ERC2: variants seen among roughly 807,000 people sequenced by gnomAD.
ERC2 encodes ELKS/RAB6-interacting/CAST family member 2, also known as ERC protein 2.
In ERC2, 42 loss-of-function variants were observed where a neutral mutation model predicts 114.8. The ratio of observed to expected loss-of-function variants is 0.37; its 90% CI spans 0.29 to 0.47. The LOEUF is 0.47. Among genes scored for constraint, ERC2 ranks in the 20% least tolerant of loss-of-function variants. ERC2 has a pLI of 0.99. For missense variants in ERC2, 939 were observed against 1,150.7 expected (o/e 0.82, Z 2.66); for synonymous variants, 454 against 425.5 (o/e 1.07, Z -0.82).
At chr3:56,178,537 A>G (rs2083107650) in intron 3 of ERC2, among the ~76,000 whole-genome samples, 2 of 152,208 alleles carry the variant, frequency 1.3e-5, no homozygotes, top group African/African-American at 2.4e-5. Context: ...AGTGCCAAAG[A>G]ATTTGAAGCC....
At chr3:55,822,568 C>CTTTTTTTTTT (rs202173599) in intron 14 of ERC2, among the ~76,000 whole-genome samples, 17 of 137,070 alleles carry the variant, frequency 1.2e-4, no homozygotes, top group African/African-American at 3.6e-4. Flanking sequence ...TCTTTTTTTT[C>CTTTTTTTTTT]TTTTTTTTTT....
chr3:56,161,562 T>A (rs765769307), intron 4 of ERC2, among the ~76,000 whole-genome samples: 1 of 152,216 alleles, frequency 6.6e-6, no homozygotes, highest in Non-Finnish European at 1.5e-5. Flanking sequence ...TTATGTCATC[T>A]GTGATTTCTT....
At chr3:56,068,156 T>A (rs2076566393) in intron 7 of ERC2, among the ~76,000 whole-genome samples, 1 of 152,224 alleles carries the variant, frequency 6.6e-6, no homozygotes, top group Non-Finnish European at 1.5e-5. Context: ...TGGCTGTGAA[T>A]CCATCTGCTC....
intron 17 of ERC2, among the ~76,000 whole-genome samples, chr3:55,553,650 G>C (rs1034785683): frequency 6.6e-6 from 1 of 152,144 alleles, no homozygotes; most frequent in African/African-American, 2.4e-5. Flanking sequence ...CGTAGTGGCG[G>C]GCACCGGTAG....
intron 16 of ERC2, among the ~76,000 whole-genome samples, chr3:55,694,617 G>A (rs2062836145): frequency 6.6e-6 from 1 of 152,224 alleles, no homozygotes; most frequent in South Asian, 2.1e-4. Flanking sequence ...ATTCAATGAA[G>A]GAGGAAGAGG....
intron 14 of ERC2, among the ~76,000 whole-genome samples, chr3:55,852,067 C>T (rs562117740): frequency 3.2e-4 from 48 of 152,212 alleles, no homozygotes; most frequent in African/African-American, 1.1e-3. Context: ...ACTAAAAATA[C>T]AAAATTAGCT....
In ERC2 at chr3:56,107,580, T is replaced by C. The variant is rs13098072; in HGVS notation, c.1474-26596A>G. ...TGATACTCTGCTTTCACCCTAAAAA[T>C]GTGCAGGCAACCACAAGAGCTAAAG... On this transcript the variant is annotated intron_variant, in intron 6 of 17. Transcript: ENST00000288221. 5.4e-3 allele frequency among the ~76,000 whole-genome samples: 818 copies of C among 152,248 alleles called. 1 individual carries two copies. The highest frequency in any genetic ancestry group is 7.9e-3 in the Non-Finnish European group (540 of 68,012).
chr3:56,421,791 T>A (rs1016556051), intron 2 of ERC2, among the ~76,000 whole-genome samples: 1 of 152,122 alleles, frequency 6.6e-6, no homozygotes, highest in African/African-American at 2.4e-5. Flanking sequence ...ACCCTTAATG[T>A]CTAGTAGGTA....
At chr3:55,987,542 AT>A (rs1485734382) in intron 11 of ERC2, among the ~76,000 whole-genome samples, 1 of 152,242 alleles carries the variant, frequency 6.6e-6, no homozygotes, top group Non-Finnish European at 1.5e-5. Flanking sequence ...GGCAAGAAAC[AT>A]TTATATCAAA....
At chr3:55,717,495 G>T (rs2064192367) in intron 15 of ERC2, among the ~76,000 whole-genome samples, 1 of 152,114 alleles carries the variant, frequency 6.6e-6, no homozygotes, top group African/African-American at 2.4e-5. Context: ...TGGGGTCCAG[G>T]GAAGCTTTCA....
chr3:56,440,560 A>G (rs1218817606), intron 1 of ERC2, among the ~76,000 whole-genome samples: 1 of 151,938 alleles, frequency 6.6e-6, no homozygotes, highest in East Asian at 1.9e-4. Flanking sequence ...AAAAAAAAAA[A>G]AAAAAGAATG....
chr3:56,387,373 G>C (rs1421914193), intron 2 of ERC2, among the ~76,000 whole-genome samples: 1 of 152,002 alleles, frequency 6.6e-6, no homozygotes, highest in Non-Finnish European at 1.5e-5. Context: ...GGGTGTTCTT[G>C]GCTTCTCTTT....
chr3:56,194,651 G>A (rs694640), intron 3 of ERC2, among the ~76,000 whole-genome samples: 148,779 of 152,276 alleles, frequency 0.98, 72,799 homozygotes, highest in East Asian at 1. Context: ...AGGCTACACT[G>A]ACTTTATTTT....
At chr3:56,168,525 G>A (rs544669453) in intron 4 of ERC2, among the ~76,000 whole-genome samples, 110 of 152,272 alleles carry the variant, frequency 7.2e-4, no homozygotes, top group Admixed American at 9.2e-4. Context: ...TAGTGTCTCT[G>A]ACCAGATTCC....
chr3:56,184,077 A>G (rs1297812596), intron 3 of ERC2, among the ~76,000 whole-genome samples: 2 of 152,156 alleles, frequency 1.3e-5, no homozygotes, highest in Non-Finnish European at 2.9e-5. Flanking sequence ...ATCTCTGTGC[A>G]TGTACATTTT....
chr3:55,880,209 T>C (rs1449210580), intron 14 of ERC2, among the ~76,000 whole-genome samples: 1 of 152,144 alleles, frequency 6.6e-6, no homozygotes, highest in Admixed American at 6.6e-5. Flanking sequence ...AATGGCAAAA[T>C]GTCAAGACAG....
At chr3:56,113,446 G>C (rs561927968) in intron 6 of ERC2, among the ~76,000 whole-genome samples, 24 of 152,274 alleles carry the variant, frequency 1.6e-4, no homozygotes, top group African/African-American at 5.8e-4. Context: ...CCTTCATATA[G>C]CAGCCCTCTA....
At chr3:55,628,926 C>T (rs1409213165) in intron 17 of ERC2, among the ~76,000 whole-genome samples, 1 of 152,084 alleles carries the variant, frequency 6.6e-6, no homozygotes, top group East Asian at 1.9e-4. Flanking sequence ...TCCTGCTAGC[C>T]ATGCCGAAAT....
At chr3:55,749,367 A>C (rs746581499) in intron 14 of ERC2, among the ~76,000 whole-genome samples, 7 of 152,174 alleles carry the variant, frequency 4.6e-5, no homozygotes, top group African/African-American at 7.2e-5. Flanking sequence ...TTTGAACTTC[A>C]AGGCATGGGA....
Sources: allele counts gnomAD v4.1 joint callset (sites outside exome capture counted in the v4.1 genomes callset), GRCh38; gene constraint gnomAD v4.1.1; transcripts MANE v1.5; gene names NCBI Gene and HGNC (gene_info 2026-07-23, HGNC 2026-07-21).